IL15: variants seen among roughly 807,000 people sequenced by gnomAD.
IL15 encodes the protein interleukin 15.
IL15 carries 11 observed loss-of-function variants against 19.6 expected under a neutral mutation model. The observed-to-expected ratio is 0.56, with a 90% confidence interval of 0.35 to 0.93. The LOEUF (loss-of-function observed/expected upper bound fraction) is 0.93, where lower values mean the gene tolerates loss of function less well. IL15 is among the 40% of genes least tolerant of loss of function. The probability of loss-of-function intolerance (pLI) is 0.01; values close to 1 mark genes in which losing one functional copy is unlikely to be tolerated. For synonymous variants in IL15, 58 were observed against 59.6 expected, an observed-to-expected ratio of 0.97 and a Z score of 0.12; for missense variants, 197 against 186.5, an observed-to-expected ratio of 1.06 and a Z score of -0.33.
intron 1 of IL15, among the ~76,000 whole-genome samples, chr4:141,640,930 A>T (rs372071526): frequency 6.6e-6 from 1 of 152,204 alleles, no homozygotes; most frequent in Non-Finnish European, 1.5e-5. Context: ...GGAAAATATG[A>T]TGGTTGTAAG....
intron 2 of IL15, among the ~76,000 whole-genome samples, chr4:141,696,868 T>C (rs1389344442): frequency 6.6e-6 from 1 of 152,244 alleles, no homozygotes; most frequent in Non-Finnish European, 1.5e-5. Context: ...TATTTGTTTT[T>C]TTCTTGCTGA....
intron 2 of IL15, among the ~76,000 whole-genome samples, chr4:141,657,770 C>T (rs1482386863): frequency 6.6e-6 from 1 of 152,032 alleles, no homozygotes; most frequent in African/African-American, 2.4e-5. Flanking sequence ...ATGTCAATGC[C>T]CTCTTCTGGA....
chr4:141,642,158 C>T (rs185308025), intron 1 of IL15, among the ~76,000 whole-genome samples: 15 of 152,074 alleles, frequency 9.9e-5, no homozygotes, highest in African/African-American at 3.6e-4. Flanking sequence ...TTATTTGGCA[C>T]CCTGGTGAGG....
At chr4:141,721,634 G>T (rs1730085039) in intron 4 of IL15, 2 of 520,964 alleles carry the variant, frequency 3.8e-6, no homozygotes, top group Admixed American at 2.8e-5. Context: ...ATCTGGCACT[G>T]CTTCTATTTC....
At chr4:141,725,629 T>C (rs1405909744) in intron 5 of IL15, among the ~76,000 whole-genome samples, 2 of 152,162 alleles carry the variant, frequency 1.3e-5, no homozygotes, top group Non-Finnish European at 2.9e-5. Flanking sequence ...ATAAAATTTC[T>C]TAGAAAGTAG....
At chr4:141,681,101 T>C (rs1198458013) in intron 2 of IL15, among the ~76,000 whole-genome samples, 1 of 152,208 alleles carries the variant, frequency 6.6e-6, no homozygotes, top group Non-Finnish European at 1.5e-5. Flanking sequence ...CTGAGACTCA[T>C]TAATGGTCCT....
intron 2 of IL15, chr4:141,717,885 T>A (rs1249544506): frequency 2.6e-5 from 4 of 152,182 alleles, no homozygotes; most frequent in African/African-American, 9.7e-5. Context: ...GATCTCAAAC[T>A]CCCGACATCA....
At chr4:141,709,358 C>G (rs1729637074) in intron 2 of IL15, among the ~76,000 whole-genome samples, 2 of 152,096 alleles carry the variant, frequency 1.3e-5, no homozygotes, top group Admixed American at 1.3e-4. Flanking sequence ...ATCAAATGTA[C>G]ATATATACTA....
chr4:141,710,933 G>T (rs1025513907), intron 2 of IL15, among the ~76,000 whole-genome samples: 1 of 152,044 alleles, frequency 6.6e-6, no homozygotes, highest in Admixed American at 6.6e-5. Context: ...CCCCCAGGGA[G>T]AGTATCCATG....
At position 141,727,943 on chromosome 4, in the gene IL15, A is replaced by G. The variant is rs755855313; in HGVS notation, c.199A>G (p.Met67Val). ...GTCTAATTTTGTTTCCTTTCAGTCTATGCATATTGATGCTACTTTATATAC... is the reference window on the plus strand; with the variant it reads ...GTCTAATTTTGTTTCCTTTCAGTCTGTGCATATTGATGCTACTTTATATAC... ...LKKIEDLIQS[M>V]HIDATLYTES... Residue 67 changes from methionine (M) to valine (V), a missense_variant, in exon 6 of 8, where the codon ATG (methionine) becomes GTG (valine). Met to Val is a conservative substitution (Grantham distance 21). Coordinates refer to ENST00000320650, the MANE Select transcript of IL15 (RefSeq NM_000585.5). The G allele has an allele frequency of 2.1e-5, 27 of 1,276,630 alleles. No homozygotes were observed. The East Asian group carries it at 4.1e-4, about 19-fold the overall frequency. 79.1% of individuals were successfully genotyped at this position (1,276,630 alleles called of 1,614,324 possible).
At chr4:141,646,986 A>G (rs1166469026) in intron 1 of IL15, among the ~76,000 whole-genome samples, 1 of 152,120 alleles carries the variant, frequency 6.6e-6, no homozygotes, top group Non-Finnish European at 1.5e-5. Context: ...GAATGAGGGA[A>G]TGAATGGATT....
chr4:141,727,335 A>G (rs1730298830), intron 5 of IL15, among the ~76,000 whole-genome samples: 1 of 152,152 alleles, frequency 6.6e-6, no homozygotes, highest in African/African-American at 2.4e-5. Context: ...GTAAACCTAA[A>G]TGGCTCATAA....
At chr4:141,700,429 A>C (rs1579032729) in intron 2 of IL15, among the ~76,000 whole-genome samples, 1 of 152,082 alleles carries the variant, frequency 6.6e-6, no homozygotes, top group East Asian at 1.9e-4. Context: ...TTTTTTGTTT[A>C]AGAAGGTTTA....
rs187166902 is a variant in IL15 at position 141,693,401 on chromosome 4, T to A, written c.-99-25965T>A. 8.3e-3 allele frequency among the ~76,000 whole-genome samples: 1,261 copies of A among 152,290 alleles called. 5 individuals are homozygous for A. Among genetic ancestry groups the A allele is most frequent in the South Asian group, 0.021 (101 of 4,824 alleles). On this transcript the variant is annotated intron_variant, in intron 2 of 7. Transcript: ENST00000320650. Reference sequence around the variant, plus strand: ...ATACTATGTGTTGCTTATCTATAAATTCCTAAAGGACAGGAACCATGCTCA... The same window carrying A: ...ATACTATGTGTTGCTTATCTATAAAATCCTAAAGGACAGGAACCATGCTCA...
chr4:141,732,914 C>A lies in IL15; in HGVS notation c.*66C>A. 2 of 1,548,230 alleles carry A rather than the reference C, an allele frequency of 1.3e-6. No individual in the cohort carries two copies. The highest frequency in any genetic ancestry group is 8.7e-7 in the Non-Finnish European group (1 of 1,153,128). ...ACATCACTCTGCTGCTTAGACATAACAAAACACTCGGCATTTCAAATGTGC... is the reference window on the plus strand; with the variant it reads ...ACATCACTCTGCTGCTTAGACATAAAAAAACACTCGGCATTTCAAATGTGC... On this transcript the variant is annotated 3_prime_UTR_variant, in exon 8 of 8. Transcript: ENST00000320650.
At chr4:141,675,998 T>A (rs1472409818) in intron 2 of IL15, among the ~76,000 whole-genome samples, 1 of 151,914 alleles carries the variant, frequency 6.6e-6, no homozygotes, top group East Asian at 1.9e-4. Context: ...GACAAAAGTG[T>A]CTACTCTGGG....
intron 2 of IL15, among the ~76,000 whole-genome samples, chr4:141,667,805 T>C (rs189589815): frequency 2.0e-4 from 31 of 152,362 alleles, no homozygotes; most frequent in African/African-American, 2.9e-4. Context: ...ATGTATATAA[T>C]ACTTTGAAAG....
chr4:141,706,412 C>A (rs980236720), intron 2 of IL15, among the ~76,000 whole-genome samples: 1 of 151,818 alleles, frequency 6.6e-6, no homozygotes, highest in South Asian at 2.1e-4. Flanking sequence ...AATTTTTGAC[C>A]GTTTTGATTT....
intron 4 of IL15, 95 bp from the exon 5 acceptor site, chr4:141,721,829 T>C: frequency 9.1e-7 from 1 of 1,098,502 alleles, no homozygotes; most frequent in South Asian, 1.6e-5. Context: ...TTTTCACTGG[T>C]CAGAATAAAA....
Sources: allele counts gnomAD v4.1 joint callset (sites outside exome capture counted in the v4.1 genomes callset), GRCh38; gene constraint gnomAD v4.1.1; transcripts MANE v1.5; gene names NCBI Gene and HGNC (gene_info 2026-07-23, HGNC 2026-07-21).